Variants in ANAPC10 observed in about 807,000 individuals in gnomAD.
ANAPC10 encodes the protein anaphase promoting complex subunit 10, also known as anaphase-promoting complex subunit 10.
In ANAPC10, 12 loss-of-function variants were observed where a neutral mutation model predicts 22.0. The observed-to-expected ratio is 0.55, with a 90% CI of 0.35 to 0.88. The LOEUF (loss-of-function observed/expected upper bound fraction) is 0.88. ANAPC10 is among the 40% of genes least tolerant of loss of function. The pLI, the probability that ANAPC10 is intolerant of heterozygous loss-of-function variation, is 0.01. For synonymous variants in ANAPC10, 65 were observed against 69.5 expected, an observed-to-expected ratio of 0.94 and a Z score of 0.32; for missense variants, 188 against 220.9, an observed-to-expected ratio of 0.85 and a Z score of 0.94.
chr4:145,050,168 C>T (rs958732273), intron 4 of ANAPC10, among the ~76,000 whole-genome samples: 3 of 152,156 alleles, frequency 2.0e-5, no homozygotes, highest in African/African-American at 7.2e-5. Context: ...AAAATTATTC[C>T]TTGATCCATG....
chr4:145,039,682 C>T (rs549114998), intron 4 of ANAPC10, among the ~76,000 whole-genome samples: 2 of 152,222 alleles, frequency 1.3e-5, no homozygotes, highest in African/African-American at 4.8e-5. Context: ...GCAACCTCCA[C>T]CTCCCGGATT....
chr4:145,076,713 G>A (rs189693388), intron 3 of ANAPC10, among the ~76,000 whole-genome samples: 3 of 152,198 alleles, frequency 2.0e-5, no homozygotes, highest in African/African-American at 7.2e-5. Context: ...AAGGAATCCA[G>A]TAAAATGAAT....
rs779333814 is a variant in ANAPC10, at chr4:145,081,727, C to T, written c.139G>A (p.Asp47Asn). ...KPGFGVDQLRDDNLETYWQSD... is the reference protein window; with the variant it reads ...KPGFGVDQLRNDNLETYWQSD... ...TGCCAATAAGTTTCTAGATTGTCAT[C>T]TCGTAACTGATCCACTCCAAATCCT... Residue 47 changes from aspartate to asparagine, a missense_variant, in exon 3 of 5, where the codon GAT becomes AAT. Physicochemically the swap from Asp to Asn is conservative, Grantham distance 23. Transcript: ENST00000507656. 5 of 1,612,784 alleles carry T rather than the reference C, an allele frequency of 3.1e-6. No individual in the cohort carries two copies. Among genetic ancestry groups the T allele is most frequent in the Non-Finnish European group, 3.4e-6 (4 of 1,179,518 alleles).
chr4:145,055,630 A>C (rs2126378944), intron 4 of ANAPC10, among the ~76,000 whole-genome samples: 1 of 152,278 alleles, frequency 6.6e-6, no homozygotes, highest in African/African-American at 2.4e-5. Context: ...CCTTGAGTAC[A>C]TTATGCTAAG....
chr4:145,014,304 GT>G, intron 4 of ANAPC10, among the ~76,000 whole-genome samples: 1 of 152,150 alleles, frequency 6.6e-6, no homozygotes, highest in East Asian at 1.9e-4. Context: ...GGTAAGGCCT[GT>G]GATTGCTGGC....
intron 4 of ANAPC10, among the ~76,000 whole-genome samples, chr4:145,062,747 C>A (rs1217818424): frequency 6.6e-6 from 1 of 152,106 alleles, no homozygotes; most frequent in African/African-American, 2.4e-5. Flanking sequence ...TTCACAATAG[C>A]TAAGATATAG....
At chr4:145,012,333 T>C (rs1439877144) in intron 4 of ANAPC10, among the ~76,000 whole-genome samples, 2 of 151,778 alleles carry the variant, frequency 1.3e-5, no homozygotes, top group Non-Finnish European at 2.9e-5. Context: ...CACAAGGTTG[T>C]TAAGAAGATA....
intron 4 of ANAPC10, among the ~76,000 whole-genome samples, chr4:145,001,277 A>G (rs1397489484): frequency 6.6e-6 from 1 of 151,640 alleles, no homozygotes; most frequent in African/African-American, 2.4e-5. Context: ...AGAAAGAAGA[A>G]AAGAAAAGAA....
At chr4:145,072,923 G>C (rs1223346879) in intron 3 of ANAPC10, among the ~76,000 whole-genome samples, 2 of 150,150 alleles carry the variant, frequency 1.3e-5, no homozygotes, top group Non-Finnish European at 1.5e-5. Context: ...TAGGAGACAG[G>C]GTCTCGCTCT....
At chr4:145,066,941 G>A (rs1408604980) in intron 3 of ANAPC10, among the ~76,000 whole-genome samples, 1 of 152,126 alleles carries the variant, frequency 6.6e-6, no homozygotes, top group Non-Finnish European at 1.5e-5. Flanking sequence ...ATTGATACGA[G>A]TTTACAGTAA....
chr4:145,045,159 T>C (rs1740112096), intron 4 of ANAPC10, among the ~76,000 whole-genome samples: 1 of 152,052 alleles, frequency 6.6e-6, no homozygotes, highest in African/African-American at 2.4e-5. Context: ...AAAATATTAT[T>C]TATTTTTTTA....
chr4:145,081,872 ATT>A lies in ANAPC10; in HGVS notation c.116-124_116-123del, dbSNP rs896968777. 1.4e-5 allele frequency: 10 copies of A among 725,266 alleles called. No individual in the cohort carries two copies. In the East Asian group the frequency reaches 2.9e-4, roughly 21 times the overall value. The allele number at this position is 725,266 out of a possible 1,614,324, so 44.9% of individuals were successfully genotyped here. A position where few individuals can be genotyped will look rare whatever the true frequency, so the allele number is the denominator to read the frequency against. On this transcript the variant is annotated intron_variant, in intron 2 of 4. Transcript: ENST00000507656. ...ATAAACAGAAAGGTCAGAAATATTA[ATT>A]TTTTTTTATTTATTTTTTGTAGACA...
intron 2 of ANAPC10, among the ~76,000 whole-genome samples, chr4:145,087,846 A>C (rs1747120048): frequency 6.6e-6 from 1 of 152,164 alleles, no homozygotes; most frequent in Non-Finnish European, 1.5e-5. Context: ...CAAGAGTTTG[A>C]GATCAGCCTG....
At chr4:145,000,419 C>T (rs567285794) in intron 4 of ANAPC10, among the ~76,000 whole-genome samples, 3 of 152,222 alleles carry the variant, frequency 2.0e-5, no homozygotes, top group East Asian at 1.9e-4. Context: ...CAAAAGAAGA[C>T]ATTTATACAG....
intron 4 of ANAPC10, among the ~76,000 whole-genome samples, chr4:145,012,712 G>A (rs956124458): frequency 5.3e-5 from 8 of 152,128 alleles, no homozygotes; most frequent in Non-Finnish European, 1.2e-4. Context: ...TTATCAGTTG[G>A]ACTGGCTTCT....
At chr4:145,080,128 A>C (rs977709605) in intron 3 of ANAPC10, among the ~76,000 whole-genome samples, 40 of 150,350 alleles carry the variant, frequency 2.7e-4, no homozygotes, top group Non-Finnish European at 4.9e-4. Context: ...AAAAAAAAAA[A>C]AAAAAAAAAA....
intron 3 of ANAPC10, among the ~76,000 whole-genome samples, chr4:145,067,801 CCT>C (rs966961791): frequency 2.6e-5 from 4 of 152,148 alleles, no homozygotes; most frequent in African/African-American, 4.8e-5. Context: ...CCCTTTATCC[CCT>C]CTTTCTTCAT....
chr4:145,016,060 G>A (rs199775794), intron 4 of ANAPC10, among the ~76,000 whole-genome samples: 147 of 152,156 alleles, frequency 9.7e-4, no homozygotes, highest in East Asian at 7.7e-4. Flanking sequence ...AAACTGGCAC[G>A]AGACAGGGAT....
At chr4:145,061,434 T>C (rs76949030) in intron 4 of ANAPC10, among the ~76,000 whole-genome samples, 6,318 of 152,242 alleles carry the variant, frequency 0.041, 182 homozygotes, top group Non-Finnish European at 0.061. Context: ...TTCTTGAATA[T>C]ATATTCTCCA....
Sources: allele counts gnomAD v4.1 joint callset (sites outside exome capture counted in the v4.1 genomes callset), GRCh38; gene constraint gnomAD v4.1.1; transcripts MANE v1.5; gene names NCBI Gene and HGNC (gene_info 2026-07-23, HGNC 2026-07-21).